Variants in YAE1 observed in about 807,000 individuals in gnomAD.
The protein encoded by YAE1 is YAE1 maturation factor of ABCE1.
A neutral mutation model predicts 23.0 loss-of-function variants in YAE1; 22 were observed. The ratio of observed to expected loss-of-function variants is 0.96; its 90% CI spans 0.68 to 1.37. The LOEUF (loss-of-function observed/expected upper bound fraction) is 1.37, where lower values mean the gene tolerates loss of function less well. YAE1 is among the 40% of genes most tolerant of loss of function. The pLI is 0.00. For synonymous variants in YAE1, 101 were observed against 97.0 expected (o/e 1.04, Z -0.24); for missense variants, 260 against 262.1 (o/e 0.99, Z 0.06).
At chr7:39,598,535 G>A (rs563584004) in intron 2 of YAE1, among the ~76,000 whole-genome samples, 4 of 151,854 alleles carry the variant, frequency 2.6e-5, no homozygotes, top group East Asian at 1.9e-4. Context: ...CCAGCCCTTC[G>A]GTAGGCCAAG....
chr7:39,566,689 T>C lies in YAE1; in HGVS notation c.129+142T>C, dbSNP rs961262136. 4 of 1,174,432 alleles carry C rather than the reference T, an allele frequency of 3.4e-6. No homozygotes were observed. The African/African-American group carries it at 4.7e-5, about 14-fold the overall frequency. 72.8% of individuals were successfully genotyped at this position (1,174,432 alleles called of 1,614,324 possible). ...GGACCCGGTCCGACCCGCGTCTTGC[T>C]AGGATTTCTCGATGGTTACTTGAAA... On this transcript the variant is annotated intron_variant, in intron 1 of 2. Transcript: ENST00000223273.
At chr7:39,611,053 C>T (rs1791207177), downstream of YAE1, among the ~76,000 whole-genome samples, 1 of 151,864 alleles carries the variant, frequency 6.6e-6, no homozygotes, top group African/African-American at 2.4e-5. Flanking sequence ...GAGGCTGAGG[C>T]AGGAGAATCA....
Position 39,589,080 on chromosome 7 carries a change from C to G in YAE1, c.251+18453C>G, listed in dbSNP as rs1790863935. Among the ~76,000 whole-genome samples, 2 of 152,038 alleles carry G rather than the reference C, an allele frequency of 1.3e-5. 1 individual carries two copies. Among genetic ancestry groups the G allele is most frequent in the South Asian group, 4.1e-4 (2 of 4,824 alleles). On this transcript the variant is annotated intron_variant, in intron 2 of 2. Transcript: ENST00000432096. The stretch of plus-strand genomic sequence containing the variant: ...CAAGCCATCCACCTGCCTTGACCTC[C>G]CAAAGTGCTGGGATTACAGGTGTGA...
chr7:39,592,060 CA>C (rs1318207770), intron 2 of YAE1, among the ~76,000 whole-genome samples: 9 of 152,224 alleles, frequency 5.9e-5, no homozygotes, highest in African/African-American at 2.2e-4. Flanking sequence ...TGATATTTCA[CA>C]GTCATTTTAT....
chr7:39,566,724 A>G, intron 1 of YAE1, 177 bp downstream of exon 1: 1 of 879,102 alleles, frequency 1.1e-6, no homozygotes, highest in South Asian at 1.9e-5. Context: ...AGCGTGTAAA[A>G]CAACAAGACG....
intron 2 of YAE1, 88 bp downstream of exon 2, chr7:39,570,715 T>C (rs542047341): frequency 6.8e-7 from 1 of 1,464,632 alleles, no homozygotes; most frequent in African/African-American, 1.4e-5. Context: ...TAAACTGAAA[T>C]GCTTTTCCTG....
At chr7:39,579,667 CAAA>C (rs70996816) in intron 2 of YAE1, among the ~76,000 whole-genome samples, 3 of 140,354 alleles carry the variant, frequency 2.1e-5, no homozygotes, top group Admixed American at 7.2e-5. Flanking sequence ...GACTCTGTCT[CAAA>C]AAAAAAAAAA....
chr7:39,587,833 T>A (rs1416996248), intron 2 of YAE1, among the ~76,000 whole-genome samples: 1 of 152,164 alleles, frequency 6.6e-6, no homozygotes, highest in East Asian at 1.9e-4. Context: ...CATTACAATA[T>A]ATTCGTTATG....
At chr7:39,601,730 G>A (rs1450077555) in intron 2 of YAE1, among the ~76,000 whole-genome samples, 5 of 141,510 alleles carry the variant, frequency 3.5e-5, no homozygotes, top group African/African-American at 1.3e-4. Context: ...CTGCACTCCA[G>A]CCTGGATGAC....
Position 39,606,271 on chromosome 7 carries a change from G to T in YAE1, c.252-3346G>T, listed in dbSNP as rs115912495. Among the ~76,000 whole-genome samples the T allele has an allele frequency of 8.5e-4, 130 of 152,202 alleles. No homozygotes were observed. The Middle Eastern group carries it at 0.01, about 12-fold the overall frequency. ...ATTGTATTTTTAAACAACAATAAAA[G>T]GGTTATTTTTAATAACCATTTCAAA... On this transcript the variant is annotated intron_variant, in intron 2 of 2. Transcript: ENST00000432096.
At chr7:39,575,577 A>AGAGAGAGAGAGAGAGAGTGTGTGT, downstream of YAE1, among the ~76,000 whole-genome samples, 2 of 80,274 alleles carry the variant, frequency 2.5e-5, no homozygotes, top group East Asian at 6.2e-4. Flanking sequence ...AGAGAGAGAG[A>AGAGAGAGAGAGAGAGAGTGTGTGT]GTGAGTGTGT....
chr7:39,568,031 T>C (rs1790502729), intron 1 of YAE1, among the ~76,000 whole-genome samples: 1 of 152,122 alleles, frequency 6.6e-6, no homozygotes, highest in Non-Finnish European at 1.5e-5. Context: ...ATATGAAGTT[T>C]GTATCTTAAA....
intron 2 of YAE1, chr7:39,570,889 A>C: frequency 2.8e-6 from 1 of 355,002 alleles, no homozygotes; most frequent in Non-Finnish European, 5.0e-6. Flanking sequence ...ACAATTATCT[A>C]TCTCATTGAA....
rs527477038 is a variant in YAE1, at chr7:39,596,805, A to G, written c.252-12812A>G. ...CTTGGCCCTTAGGTCAGTACCTAGA[A>G]TAAAATAGATACTCAACACATGCTT... On this transcript the variant is annotated intron_variant, in intron 2 of 2. Transcript: ENST00000432096. 5.3e-5 allele frequency among the ~76,000 whole-genome samples: 8 copies of G among 152,300 alleles called. No homozygotes were observed. The South Asian group carries it at 1.2e-3, about 24-fold the overall frequency.
At chr7:39,593,177 CTTTTTTTTT>C (rs56303591) in intron 2 of YAE1, among the ~76,000 whole-genome samples, 1 of 72,112 alleles carries the variant, frequency 1.4e-5, no homozygotes. Context: ...TTGGTTATTT[CTTTTTTTTT>C]TTTTTTTTTT....
At chr7:39,570,082 C>T in intron 1 of YAE1, 1 of 1,176,938 alleles carries the variant, frequency 8.5e-7, no homozygotes, top group Non-Finnish European at 1.2e-6. Context: ...GCAGCTCTCT[C>T]CAGTTCTTGT....
intron 2 of YAE1, among the ~76,000 whole-genome samples, chr7:39,596,131 C>T (rs755885102): frequency 6.6e-6 from 1 of 152,178 alleles, no homozygotes; most frequent in African/African-American, 2.4e-5. Context: ...GCATTTATCA[C>T]GTGGAACAGT....
At chr7:39,598,670 G>C (rs571003299) in intron 2 of YAE1, among the ~76,000 whole-genome samples, 15 of 151,742 alleles carry the variant, frequency 9.9e-5, no homozygotes, top group Admixed American at 6.6e-4. Context: ...CCAGCTACTT[G>C]TGGGGCTAAG....
chr7:39,598,003 A>C (rs1682263385), intron 2 of YAE1, among the ~76,000 whole-genome samples: 1 of 151,842 alleles, frequency 6.6e-6, no homozygotes, highest in African/African-American at 2.4e-5. Flanking sequence ...AGGGACAGGG[A>C]CTCACTATGT....
Sources: gnomAD v4.1 joint callset for allele counts (sites outside exome capture counted in the v4.1 genomes callset) on GRCh38, gnomAD v4.1.1 for gene constraint, MANE v1.5 for transcripts, NCBI Gene and HGNC (gene_info 2026-07-23, HGNC 2026-07-21) for gene names.